CEP20: variants seen among roughly 807,000 people sequenced by gnomAD.
CEP20 encodes the protein centrosomal protein 20.
CEP20 carries 18 observed loss-of-function variants against 20.0 expected under a neutral mutation model. The observed-to-expected ratio is 0.90, with a 90% CI of 0.62 to 1.34. The LOEUF (loss-of-function observed/expected upper bound fraction) is 1.34, where lower values mean the gene tolerates loss of function less well. CEP20 is among the 40% of genes most tolerant of loss of function. The probability of loss-of-function intolerance (pLI) is 0.00; values close to 1 mark genes in which losing one functional copy is unlikely to be tolerated. For synonymous variants in CEP20, 77 were observed against 73.7 expected (o/e 1.04, Z -0.23); for missense variants, 215 against 201.6 (o/e 1.07, Z -0.40).
intron 4 of CEP20, among the ~76,000 whole-genome samples, chr16:15,873,076 TTTTTG>T (rs1360598927): frequency 6.6e-6 from 1 of 151,388 alleles, no homozygotes; most frequent in South Asian, 2.1e-4. Context: ...TTTCAGTATT[TTTTTG>T]TTTTTTTTTA....
chr16:15,881,876 C>G (rs762346769), intron 2 of CEP20, among the ~76,000 whole-genome samples: 3 of 152,138 alleles, frequency 2.0e-5, no homozygotes, highest in Non-Finnish European at 4.4e-5. Flanking sequence ...CCCCCAACCC[C>G]CAATATCATT....
At chr16:15,888,068 C>G (rs1365168085) in intron 1 of CEP20, among the ~76,000 whole-genome samples, 1 of 140,388 alleles carries the variant, frequency 7.1e-6, no homozygotes, top group Non-Finnish European at 1.5e-5. Context: ...ACAGAGAGAC[C>G]CTCTCTTTAA....
intron 3 of CEP20, among the ~76,000 whole-genome samples, chr16:15,876,348 G>A (rs767890348): frequency 4.0e-5 from 6 of 151,728 alleles, no homozygotes; most frequent in Non-Finnish European, 8.8e-5. Context: ...GGTGGCATGC[G>A]TCTATAGTCC....
At chr16:15,880,056 A>G (rs886940230) in intron 2 of CEP20, among the ~76,000 whole-genome samples, 168 bp from the exon 3 acceptor site, 3 of 152,244 alleles carry the variant, frequency 2.0e-5, no homozygotes, top group African/African-American at 7.2e-5. Context: ...CTTTCAAAAT[A>G]TCTCTTTTGT....
chr16:15,870,289 G>A (rs1596987349), intron 4 of CEP20, among the ~76,000 whole-genome samples: 1 of 152,152 alleles, frequency 6.6e-6, no homozygotes, highest in East Asian at 1.9e-4. Flanking sequence ...TCAATGACTT[G>A]GGGTTGCTGT....
In CEP20 at chr16:15,865,749, C is replaced by T. The variant is rs940331715; in HGVS notation, c.*1691G>A. 8.5e-5 allele frequency: 13 copies of T among 152,056 alleles called. No homozygotes were observed. The highest frequency in any genetic ancestry group is 1.5e-4 in the Non-Finnish European group (10 of 68,026). The allele number at this position is 152,056 out of a possible 1,614,324, so 9.4% of individuals were successfully genotyped here. On this transcript the variant is annotated 3_prime_UTR_variant, in exon 5 of 5. Coordinates refer to ENST00000255759, the MANE Select transcript of CEP20 (RefSeq NM_144600.4). ...TGCTTATTTTTTTTATTAAATGATACATTGAAAGTATAAAAAGTTGCCGCA... is the reference window on the plus strand; with the variant it reads ...TGCTTATTTTTTTTATTAAATGATATATTGAAAGTATAAAAAGTTGCCGCA...
chr16:15,865,760 T>A lies in CEP20; in HGVS notation c.*1680A>T, dbSNP rs1233607049. 1 of 152,214 alleles carries A rather than the reference T, an allele frequency of 6.6e-6. No individual in the cohort carries two copies. The highest frequency in any genetic ancestry group is 2.4e-5 in the African/African-American group (1 of 41,460). The allele number at this position is 152,214 out of a possible 1,614,324, so 9.4% of individuals were successfully genotyped here. On this transcript the variant is annotated 3_prime_UTR_variant, in exon 5 of 5. Coordinates refer to ENST00000255759, the MANE Select transcript of CEP20 (RefSeq NM_144600.4). ...TTTATTAAATGATACATTGAAAGTA[T>A]AAAAAGTTGCCGCAGTACAAACAAA...
At chr16:15,884,346 A>G in intron 1 of CEP20, 141 bp from the exon 2 acceptor site, 1 of 683,050 alleles carries the variant, frequency 1.5e-6, no homozygotes, top group African/African-American at 1.8e-5. Context: ...GTGACAAATT[A>G]TTAAACAATT....
intron 1 of CEP20, among the ~76,000 whole-genome samples, chr16:15,888,059 C>CAG (rs1439924858): frequency 6.3e-5 from 9 of 143,314 alleles, no homozygotes; most frequent in Admixed American, 5.0e-4. Flanking sequence ...GCCTGGGCGA[C>CAG]AGAGAGACCC....
At position 15,884,207 on chromosome 16, in the gene CEP20, T is replaced by C. The variant is rs968665586; in HGVS notation, c.29-2A>G. On this transcript the variant is annotated splice_acceptor_variant, in intron 1 of 4. Coordinates refer to ENST00000255759, the MANE Select transcript of CEP20 (RefSeq NM_144600.4). LOFTEE classifies it high-confidence loss of function. ...TTTTTTCCAAGGTGTCCTTTAAAAC[T>C]GTTCGATATAAAATATTAAGGCTTC... The C allele has an allele frequency of 3.1e-6, 5 of 1,596,050 alleles. No homozygotes were observed. The highest frequency in any genetic ancestry group is 1.7e-5 in the Admixed American group (1 of 58,066).
chr16:15,886,585 G>C (rs1003602640), intron 1 of CEP20, among the ~76,000 whole-genome samples: 1 of 152,192 alleles, frequency 6.6e-6, no homozygotes, highest in Admixed American at 6.5e-5. Flanking sequence ...AATGAGGAAA[G>C]CTAGCATGTC....
chr16:15,870,897 A>C (rs2044799310), intron 4 of CEP20, among the ~76,000 whole-genome samples: 1 of 152,202 alleles, frequency 6.6e-6, no homozygotes, highest in Non-Finnish European at 1.5e-5. Flanking sequence ...ACAAGTAAAA[A>C]AAAGCAAATT....
chr16:15,885,367 G>T (rs72773995), intron 1 of CEP20, among the ~76,000 whole-genome samples: 8 of 151,610 alleles, frequency 5.3e-5, no homozygotes, highest in Non-Finnish European at 1.2e-4. Context: ...AATCCACAAC[G>T]CTTTAGGGAG....
chr16:15,884,478 G>A (rs1467557502), intron 1 of CEP20, among the ~76,000 whole-genome samples: 1 of 151,838 alleles, frequency 6.6e-6, no homozygotes, highest in Non-Finnish European at 1.5e-5. Context: ...AGGGGCTGTA[G>A]TCTAATACAT....
intron 4 of CEP20, among the ~76,000 whole-genome samples, chr16:15,868,000 A>T (rs1408175848): frequency 6.6e-6 from 1 of 151,602 alleles, no homozygotes; most frequent in Non-Finnish European, 1.5e-5. Flanking sequence ...AAAAGAAAGA[A>T]ATCAGAAATG....
Position 15,873,477 on chromosome 16 carries a change from T to C in CEP20, c.448+14A>G. On this transcript the variant is annotated intron_variant, in intron 4 of 4. Coordinates refer to ENST00000255759, the MANE Select transcript of CEP20 (RefSeq NM_144600.4). ...TTGCTGACAGCTAAATGATGAATCTTGGAAAACTCATACCCATTGGCTTTC... is the reference window on the plus strand; with the variant it reads ...TTGCTGACAGCTAAATGATGAATCTCGGAAAACTCATACCCATTGGCTTTC... 6.2e-7 allele frequency: 1 copy of C among 1,601,482 alleles called. No homozygotes were observed. The highest frequency in any genetic ancestry group is 1.3e-5 in the African/African-American group (1 of 74,454).
chr16:15,888,428 G>T, intron 1 of CEP20, 130 bp downstream of exon 1: 2 of 1,216,380 alleles, frequency 1.6e-6, no homozygotes, highest in Non-Finnish European at 2.4e-6. Flanking sequence ...CTCCCCGCAG[G>T]CCCTCACACC....
chr16:15,869,521 G>C (rs896766358), intron 4 of CEP20, among the ~76,000 whole-genome samples: 1 of 152,048 alleles, frequency 6.6e-6, no homozygotes, highest in Non-Finnish European at 1.5e-5. Context: ...ATGTTGGCTA[G>C]GCTGGTCTCG....
Position 15,866,420 on chromosome 16 carries a change from G to A in CEP20, c.*1020C>T, listed in dbSNP as rs2044680296. 1 of 152,210 alleles carries A rather than the reference G, an allele frequency of 6.6e-6. No individual in the cohort carries two copies. The highest frequency in any genetic ancestry group is 1.5e-5 in the Non-Finnish European group (1 of 68,036). 9.4% of individuals were successfully genotyped at this position (152,210 alleles called of 1,614,324 possible). Reference sequence around the variant, plus strand: ...ACCATCGAACTTTTGCCAATCAGGAGCTGTCTATCATCATAGTCAGTTGTT... The same window carrying A: ...ACCATCGAACTTTTGCCAATCAGGAACTGTCTATCATCATAGTCAGTTGTT... On this transcript the variant is annotated 3_prime_UTR_variant, in exon 5 of 5. Transcript: ENST00000255759.
Sources: allele counts gnomAD v4.1 joint callset (sites outside exome capture counted in the v4.1 genomes callset), GRCh38; gene constraint gnomAD v4.1.1; transcripts MANE v1.5; gene names NCBI Gene and HGNC (gene_info 2026-07-23, HGNC 2026-07-21).